Variants in RAD18 observed in about 807,000 individuals in gnomAD.
The protein encoded by RAD18 is E3 ubiquitin-protein ligase RAD18.
A neutral mutation model predicts 60.4 loss-of-function variants in RAD18; 47 were observed. The ratio of observed to expected loss-of-function variants is 0.78; its 90% CI spans 0.62 to 0.99. RAD18 has a LOEUF of 0.99. Ranked by LOEUF, RAD18 falls within the 50% of genes least tolerant of loss-of-function variation. The pLI is 0.00. For synonymous variants in RAD18, 225 were observed against 195.5 expected (o/e 1.15, Z -1.26); for missense variants, 640 against 593.3 (o/e 1.08, Z -0.82).
At chr3:8,950,023 T>A (rs529180507) in intron 2 of RAD18, among the ~76,000 whole-genome samples, 103 of 152,126 alleles carry the variant, frequency 6.8e-4, no homozygotes, top group African/African-American at 2.3e-3. Flanking sequence ...TCTGTTTTTT[T>A]TGTTTTGTTT....
intron 7 of RAD18, among the ~76,000 whole-genome samples, chr3:8,920,868 T>A (rs1575546939): frequency 6.6e-6 from 1 of 152,182 alleles, no homozygotes; most frequent in East Asian, 1.9e-4. Flanking sequence ...GATCCAAAAC[T>A]GGATCATGTA....
intron 12 of RAD18, among the ~76,000 whole-genome samples, chr3:8,888,349 T>C (rs1173722306): frequency 2.0e-5 from 3 of 152,236 alleles, no homozygotes; most frequent in African/African-American, 7.2e-5. Context: ...AAAATAAGTT[T>C]CCTGCTGCTT....
chr3:8,922,248 A>G (rs578931), intron 7 of RAD18, among the ~76,000 whole-genome samples: 104,687 of 152,164 alleles, frequency 0.69, 36,599 homozygotes, highest in Middle Eastern at 0.77. Flanking sequence ...CTACTACTGC[A>G]CTTCTCCAAC....
chr3:8,920,286 AAAAAAAAAAAAAG>A (rs1223018149), intron 7 of RAD18, among the ~76,000 whole-genome samples: 1 of 151,568 alleles, frequency 6.6e-6, no homozygotes. Context: ...CTCAAAAAAA[AAAAAAAAAAAAAG>A]AAAAAGAAAA....
chr3:8,938,291 A>C (rs532827700), intron 6 of RAD18, among the ~76,000 whole-genome samples: 1 of 152,190 alleles, frequency 6.6e-6, no homozygotes, highest in South Asian at 2.1e-4. Flanking sequence ...ATTGTGTCTT[A>C]TATGTTAGCT....
At chr3:8,887,881 C>T (rs1939598276) in intron 12 of RAD18, among the ~76,000 whole-genome samples, 1 of 152,278 alleles carries the variant, frequency 6.6e-6, no homozygotes, top group African/African-American at 2.4e-5. Flanking sequence ...CAGCAACGGG[C>T]CCAGCCAGGA....
At chr3:8,939,070 T>C (rs1940700924) in intron 6 of RAD18, among the ~76,000 whole-genome samples, 1 of 152,114 alleles carries the variant, frequency 6.6e-6, no homozygotes, top group East Asian at 1.9e-4. Context: ...ATTTCATATA[T>C]GCATTTTTGT....
intron 2 of RAD18, among the ~76,000 whole-genome samples, chr3:8,956,136 A>G (rs1941005975): frequency 6.6e-6 from 1 of 152,186 alleles, no homozygotes; most frequent in African/African-American, 2.4e-5. Flanking sequence ...ACCTCAGCAT[A>G]CAATTTTCTT....
chr3:8,920,440 A>G (rs1370371271), intron 7 of RAD18, among the ~76,000 whole-genome samples: 5 of 152,212 alleles, frequency 3.3e-5, no homozygotes, highest in African/African-American at 4.8e-5. Flanking sequence ...AGTTTAGAGA[A>G]AAATTACCAA....
chr3:8,945,459 T>C (rs1274512785), intron 4 of RAD18, among the ~76,000 whole-genome samples: 1 of 142,842 alleles, frequency 7.0e-6, no homozygotes. Context: ...ATGTGTGTGT[T>C]TCCATCTTCT....
intron 12 of RAD18, among the ~76,000 whole-genome samples, chr3:8,888,938 G>T (rs1939632429): frequency 6.6e-6 from 1 of 152,218 alleles, no homozygotes; most frequent in Non-Finnish European, 1.5e-5. Context: ...GTCAGGGTTA[G>T]TTCAGTATGA....
intron 11 of RAD18, among the ~76,000 whole-genome samples, chr3:8,891,483 C>T (rs1939691896): frequency 6.6e-6 from 1 of 152,190 alleles, no homozygotes. Flanking sequence ...TAAAGGAAAA[C>T]ATTTGCAGTA....
chr3:8,941,702 T>A lies in RAD18; in HGVS notation c.369A>T (p.Arg123Ser), dbSNP rs758745669. 3.2e-5 allele frequency: 52 copies of A among 1,614,026 alleles called. No homozygotes were observed. In the East Asian group the frequency reaches 1.1e-3, roughly 35 times the overall value. Residue 123 changes from arginine to serine, a missense_variant, in exon 5 of 13, where the codon AGA (arginine) becomes AGT (serine). Transcript: ENST00000264926. ...ACCTGCTCCCCTGCTTTAAAGACTGTCTGGAGGCTACAGGAGTATATACTT... is the reference window on the plus strand; with the variant it reads ...ACCTGCTCCCCTGCTTTAAAGACTGACTGGAGGCTACAGGAGTATATACTT... ...AVKVYTPVAS[R>S]QSLKQGSRLM...
intron 7 of RAD18, among the ~76,000 whole-genome samples, chr3:8,935,544 C>T (rs1364571921): frequency 6.6e-6 from 1 of 152,108 alleles, no homozygotes; most frequent in Admixed American, 6.6e-5. Context: ...AACGTGCCCA[C>T]AGTCACCAAG....
intron 6 of RAD18, 44 bp from the exon 7 acceptor site, chr3:8,936,099 A>G (rs766913374): frequency 2.9e-6 from 4 of 1,391,468 alleles, no homozygotes; most frequent in Non-Finnish European, 3.8e-6. Flanking sequence ...TGAATTATCA[A>G]ATGCTTTTCA....
chr3:8,899,052 G>A lies in RAD18; in HGVS notation c.1169-5C>T. On this transcript the variant is annotated splice_polypyrimidine_tract_variant and splice_region_variant and intron_variant, in intron 10 of 12. Coordinates refer to ENST00000264926, the MANE Select transcript of RAD18 (RefSeq NM_020165.4). ...AGGTCATATTATCTTCCTGTCCTAGGAAAAAATAAATTTAAGAGTACCTTA... is the reference window on the plus strand; with the variant it reads ...AGGTCATATTATCTTCCTGTCCTAGAAAAAAATAAATTTAAGAGTACCTTA... 6.4e-7 allele frequency: 1 copy of A among 1,563,814 alleles called. No individual in the cohort carries two copies.
At chr3:8,933,899 A>G (rs1419645248) in intron 7 of RAD18, among the ~76,000 whole-genome samples, 1 of 152,222 alleles carries the variant, frequency 6.6e-6, no homozygotes, top group Non-Finnish European at 1.5e-5. Context: ...CCTATTATAA[A>G]TTACTCATAA....
intron 7 of RAD18, among the ~76,000 whole-genome samples, chr3:8,925,160 C>T (rs1475404264): frequency 1.3e-5 from 2 of 151,970 alleles, no homozygotes; most frequent in African/African-American, 2.4e-5. Flanking sequence ...TAATAGACTG[C>T]TAGCAAGACT....
At chr3:8,908,458 G>C (rs745432266) in intron 9 of RAD18, among the ~76,000 whole-genome samples, 1 of 152,070 alleles carries the variant, frequency 6.6e-6, no homozygotes, top group Non-Finnish European at 1.5e-5. Flanking sequence ...ACGATGTCAA[G>C]AGACATAGGG....
Sources: gnomAD v4.1 joint callset for allele counts (sites outside exome capture counted in the v4.1 genomes callset) on GRCh38, gnomAD v4.1.1 for gene constraint, MANE v1.5 for transcripts, NCBI Gene and HGNC (gene_info 2026-07-23, HGNC 2026-07-21) for gene names.